Variants in RABGEF1 observed in about 807,000 individuals in gnomAD.
RABGEF1 encodes rab5 GDP/GTP exchange factor.
In RABGEF1, 26 loss-of-function variants were observed where a neutral mutation model predicts 57.3. That is an observed-to-expected ratio of 0.45 (90% CI 0.33 to 0.63). The LOEUF is 0.63. RABGEF1 is among the 20% of genes least tolerant of loss of function. The pLI is 0.02. For synonymous variants in RABGEF1, 185 were observed against 210.7 expected, an observed-to-expected ratio of 0.88 and a Z score of 1.06; for missense variants, 464 against 607.6, an observed-to-expected ratio of 0.76 and a Z score of 2.48.
upstream of RABGEF1, among the ~76,000 whole-genome samples, chr7:66,677,469 T>C (rs1789355895): frequency 6.6e-6 from 1 of 152,114 alleles, no homozygotes. Context: ...TCTCTGTTTA[T>C]AGAAATCTAC....
chr7:66,778,035 C>G (rs922779554), intron 3 of RABGEF1, among the ~76,000 whole-genome samples: 1 of 152,146 alleles, frequency 6.6e-6, no homozygotes, highest in African/African-American at 2.4e-5. Context: ...CTTTGTTTCA[C>G]AGATCACTTA....
At chr7:66,743,197 C>T (rs117778830) in intron 1 of RABGEF1, among the ~76,000 whole-genome samples, 1,650 of 152,138 alleles carry the variant, frequency 0.011, 14 homozygotes, top group Non-Finnish European at 0.016. Flanking sequence ...ATGCTAGCTA[C>T]TCAGGAGGCT....
At chr7:66,655,239 A>G in the RABGEF1 span, among the ~76,000 whole-genome samples, 2 of 152,162 alleles carry the variant, frequency 1.3e-5, no homozygotes, top group Admixed American at 6.5e-5. Context: ...TAGGAGCAGA[A>G]GTCCCTACTT....
intron 1 of RABGEF1, among the ~76,000 whole-genome samples, chr7:66,753,564 T>C (rs926858110): frequency 1.1e-4 from 17 of 152,178 alleles, no homozygotes; most frequent in Non-Finnish European, 1.2e-4. Flanking sequence ...GGCCAGGGTC[T>C]CTCTGCATCT....
chr7:66,744,045 T>TC (rs1799619099), intron 1 of RABGEF1, among the ~76,000 whole-genome samples: 1 of 150,808 alleles, frequency 6.6e-6, no homozygotes, highest in Non-Finnish European at 1.5e-5. Context: ...TCTTTTCTTT[T>TC]TTTTTTTTTT....
At chr7:66,764,103 G>C (rs1805110272) in intron 1 of RABGEF1, among the ~76,000 whole-genome samples, 1 of 152,118 alleles carries the variant, frequency 6.6e-6, no homozygotes, top group Non-Finnish European at 1.5e-5. Flanking sequence ...GTATATGAGG[G>C]TTCCAGTTTC....
At chr7:66,680,752 G>T (rs563662861), upstream of RABGEF1, among the ~76,000 whole-genome samples, 2 of 152,174 alleles carry the variant, frequency 1.3e-5, no homozygotes, top group Admixed American at 6.5e-5. Flanking sequence ...TACTAGACTA[G>T]ACTGGCCAAT....
chr7:66,756,208 A>G (rs1272091498), intron 1 of RABGEF1: 2 of 568,042 alleles, frequency 3.5e-6, no homozygotes, highest in Non-Finnish European at 5.8e-6. Flanking sequence ...AAAGATGGCT[A>G]ACCTTAGGGA....
rs1330242554 is a variant in RABGEF1 at position 66,793,175 on chromosome 7, T to C, written c.514-2336T>C. Among the ~76,000 whole-genome samples the C allele has an allele frequency of 1.1e-4, 17 of 152,286 alleles. No homozygotes were observed. The South Asian group carries it at 3.3e-3, about 30-fold the overall frequency. ...AGCACTACAGGTTGAGTATCCCTTATCCGAGAGCCTTGGGACCAGAAGTGT... is the reference window on the plus strand; with the variant it reads ...AGCACTACAGGTTGAGTATCCCTTACCCGAGAGCCTTGGGACCAGAAGTGT... On this transcript the variant is annotated intron_variant, in intron 4 of 8. Transcript: ENST00000284957.
chr7:66,756,723 A>G (rs1043417302), intron 1 of RABGEF1, among the ~76,000 whole-genome samples: 3 of 152,150 alleles, frequency 2.0e-5, no homozygotes, highest in African/African-American at 4.8e-5. Flanking sequence ...TAGAACTTTC[A>G]TGAATACTTC....
chr7:66,664,600 T>C, the RABGEF1 span, among the ~76,000 whole-genome samples: 1 of 151,994 alleles, frequency 6.6e-6, no homozygotes, highest in African/African-American at 2.4e-5. Flanking sequence ...CGAGACCGTG[T>C]CTCTTAAATT....
intron 1 of RABGEF1, among the ~76,000 whole-genome samples, chr7:66,703,565 C>T (rs1793602213): frequency 6.6e-6 from 1 of 152,168 alleles, no homozygotes; most frequent in South Asian, 2.1e-4. Flanking sequence ...ATTCTTTCCC[C>T]CATTGAATGA....
chr7:66,745,569 C>T (rs1433410543), intron 1 of RABGEF1, among the ~76,000 whole-genome samples: 1 of 152,014 alleles, frequency 6.6e-6, no homozygotes, highest in African/African-American at 2.4e-5. Flanking sequence ...GAGTTTGAGA[C>T]CAGCCTGGAT....
At chr7:66,750,867 A>G (rs1801235623) in intron 1 of RABGEF1, among the ~76,000 whole-genome samples, 1 of 152,236 alleles carries the variant, frequency 6.6e-6, no homozygotes, top group Non-Finnish European at 1.5e-5. Flanking sequence ...TTGGAGAAGA[A>G]TCTGAGTACT....
chr7:66,668,424 G>A, the RABGEF1 span, among the ~76,000 whole-genome samples: 1 of 152,178 alleles, frequency 6.6e-6, no homozygotes, highest in Middle Eastern at 3.2e-3. Flanking sequence ...ACATGAGACT[G>A]AGAGAATGGC....
intron 2 of RABGEF1, among the ~76,000 whole-genome samples, chr7:66,713,434 G>C (rs187873268): frequency 6.6e-6 from 1 of 152,160 alleles, no homozygotes; most frequent in African/African-American, 2.4e-5. Context: ...AGCCCAACCT[G>C]TGGGATTTTC....
chr7:66,742,575 GGA>G (rs1207934909), intron 1 of RABGEF1, among the ~76,000 whole-genome samples: 1 of 152,166 alleles, frequency 6.6e-6, no homozygotes, highest in African/African-American at 2.4e-5. Context: ...GGGAATCAAA[GGA>G]GAGGAGGCCA....
chr7:66,691,469 G>A (rs1791506137), intron 1 of RABGEF1, among the ~76,000 whole-genome samples: 1 of 152,128 alleles, frequency 6.6e-6, no homozygotes, highest in Admixed American at 6.5e-5. Flanking sequence ...ATGAATGAGT[G>A]TCAAAAAATA....
At chr7:66,746,612 T>C (rs1431753350) in intron 1 of RABGEF1, among the ~76,000 whole-genome samples, 1 of 144,312 alleles carries the variant, frequency 6.9e-6, no homozygotes, top group Non-Finnish European at 1.5e-5. Flanking sequence ...TTATTTATAA[T>C]ATAACCTTTT....
Sources: allele counts gnomAD v4.1 joint callset (sites outside exome capture counted in the v4.1 genomes callset), GRCh38; gene constraint gnomAD v4.1.1; transcripts MANE v1.5; gene names NCBI Gene and HGNC (gene_info 2026-07-23, HGNC 2026-07-21).